Variants in ARID4B observed in about 807,000 individuals in gnomAD.
The protein encoded by ARID4B is AT-rich interactive domain-containing protein 4B.
Under a neutral mutation model 147.5 loss-of-function variants are expected in ARID4B, and 26 were observed. That is an observed-to-expected ratio of 0.18 (90% CI 0.13 to 0.24). The LOEUF (loss-of-function observed/expected upper bound fraction) is 0.24, where lower values mean the gene tolerates loss of function less well. Ranked by LOEUF, ARID4B falls within the 10% of genes least tolerant of loss-of-function variation. The probability of loss-of-function intolerance (pLI) is 1.00; values close to 1 mark genes in which losing one functional copy is unlikely to be tolerated. For missense variants in ARID4B, 1,179 were observed against 1,511.5 expected, an observed-to-expected ratio of 0.78 and a Z score of 3.65; for synonymous variants, 512 against 507.9, an observed-to-expected ratio of 1.01 and a Z score of -0.11.
intron 19 of ARID4B, among the ~76,000 whole-genome samples, chr1:235,193,655 A>C (rs572978050): frequency 2.6e-5 from 4 of 152,200 alleles, no homozygotes; most frequent in Non-Finnish European, 5.9e-5. Context: ...TCAATGGCTG[A>C]TTTTATTTCA....
intron 17 of ARID4B, among the ~76,000 whole-genome samples, chr1:235,205,201 G>A (rs941578372): frequency 4.5e-4 from 68 of 151,910 alleles, no homozygotes; most frequent in Non-Finnish European, 9.7e-4. Context: ...CTCAAGTACA[G>A]CAGGGATCAG....
chr1:235,274,670 G>A (rs180833088), intron 2 of ARID4B, among the ~76,000 whole-genome samples: 9 of 151,900 alleles, frequency 5.9e-5, no homozygotes, highest in Admixed American at 4.6e-4. Context: ...AGAGAATTTC[G>A]GAGAAGTCCA....
chr1:235,249,451 A>G (rs1048087769), intron 6 of ARID4B, among the ~76,000 whole-genome samples: 2 of 152,124 alleles, frequency 1.3e-5, no homozygotes, highest in Non-Finnish European at 2.9e-5. Flanking sequence ...AGCAGGTAAC[A>G]TACTCATTAA....
At position 235,196,050 on chromosome 1, in the gene ARID4B, T is replaced by G. The variant is rs1282343526; in HGVS notation, c.1907A>C (p.Lys636Thr). Residue 636 changes from lysine (K) to threonine (T), a missense_variant, in exon 18 of 24, where the codon AAA becomes ACA. This residue lies in a region of ARID4B where 321 missense variants were observed against 342.4 expected (regional missense o/e 0.94). Coordinates refer to ENST00000264183, the MANE Select transcript of ARID4B (RefSeq NM_016374.6). ...ACTTACCTTTATTTTCTTCCGATGT[T>G]TTATCTTTGGCACATTTTTATCAGC... ...RPADKNVPKI[K>T]HRKKIKNKLD... is the part of the protein sequence containing the mutation. 6.2e-7 allele frequency: 1 copy of G among 1,600,452 alleles called. No individual in the cohort carries two copies. The highest frequency in any genetic ancestry group is 1.3e-5 in the African/African-American group (1 of 74,302).
At chr1:235,280,009 A>C (rs1671565175) in intron 2 of ARID4B, among the ~76,000 whole-genome samples, 1 of 152,166 alleles carries the variant, frequency 6.6e-6, no homozygotes, top group Admixed American at 6.5e-5. Context: ...TCCTCTTGTA[A>C]TAAATCGCAG....
At chr1:235,199,811 G>A (rs1665763140) in intron 17 of ARID4B, among the ~76,000 whole-genome samples, 1 of 152,134 alleles carries the variant, frequency 6.6e-6, no homozygotes, top group Non-Finnish European at 1.5e-5. Context: ...AAAACCTAAT[G>A]AGACGTTAAA....
At chr1:235,307,095 A>T (rs529666705) in intron 2 of ARID4B, among the ~76,000 whole-genome samples, 2 of 152,298 alleles carry the variant, frequency 1.3e-5, no homozygotes, top group South Asian at 2.1e-4. Flanking sequence ...GAGAAAAAAA[A>T]TTATAATGGG....
intron 14 of ARID4B, among the ~76,000 whole-genome samples, chr1:235,221,311 A>G (rs928834101): frequency 6.6e-6 from 1 of 152,194 alleles, no homozygotes; most frequent in Non-Finnish European, 1.5e-5. Flanking sequence ...GATTTACTTG[A>G]CTTCAGAATA....
intron 8 of ARID4B, 69 bp downstream of exon 8, chr1:235,240,244 T>A (rs1011276825): frequency 7.3e-7 from 1 of 1,372,502 alleles, no homozygotes; most frequent in African/African-American, 1.5e-5. Flanking sequence ...AAAACATTAG[T>A]AAGAAAATTG....
At chr1:235,239,997 CT>C (rs932796164) in intron 8 of ARID4B, among the ~76,000 whole-genome samples, 4 of 152,096 alleles carry the variant, frequency 2.6e-5, no homozygotes, top group African/African-American at 9.7e-5. Flanking sequence ...AAGAAAGATT[CT>C]GTTGTTCTTT....
chr1:235,257,990 A>C (rs1670087453), intron 3 of ARID4B, among the ~76,000 whole-genome samples: 1 of 152,176 alleles, frequency 6.6e-6, no homozygotes, highest in Non-Finnish European at 1.5e-5. Context: ...TAATCTTCAC[A>C]ACAACCCTAT....
Position 235,327,924 on chromosome 1 carries a change from G to C in ARID4B, c.-205C>G, listed in dbSNP as rs1675457189. 1 of 152,558 alleles carries C rather than the reference G, an allele frequency of 6.6e-6. No homozygotes were observed. The highest frequency in any genetic ancestry group is 6.5e-5 in the Admixed American group (1 of 15,286). The allele number at this position is 152,558 out of a possible 1,614,324, so 9.5% of individuals were successfully genotyped here. A position where few individuals can be genotyped will look rare whatever the true frequency, so the allele number is the denominator to read the frequency against. On this transcript the variant is annotated 5_prime_UTR_variant, in exon 1 of 24. Coordinates refer to ENST00000264183, the MANE Select transcript of ARID4B (RefSeq NM_016374.6). ...CTCCGGCTCCTCCTCCTCCCGCGGC[G>C]GCGACTGGTACCTTTGTTTGGCGGC...
chr1:235,296,194 T>C (rs2891015), intron 2 of ARID4B: 69,517 of 159,794 alleles, frequency 0.44, 15,934 homozygotes, highest in South Asian at 0.62. Context: ...GGCCAACAAA[T>C]ACCAGATCAA....
rs10657168 is a variant in ARID4B, at chr1:235,214,837, C to CTTTTTTTTTT, written c.1584-821_1584-812dup. The stretch of plus-strand genomic sequence containing the variant: ...ACTATTCTAGAAAGAGTATTACATC[C>CTTTTTTTTTT]TTTTTTTTTTTTTTTTTTTTGATAG... On this transcript the variant is annotated intron_variant, in intron 16 of 23. Coordinates refer to ENST00000264183, the MANE Select transcript of ARID4B (RefSeq NM_016374.6). Among the ~76,000 whole-genome samples the CTTTTTTTTTT allele has an allele frequency of 1.5e-3, 150 of 102,310 alleles. 3 individuals carry two copies. The highest frequency in any genetic ancestry group is 5.3e-3 in the African/African-American group (144 of 26,994). 67.1% of individuals were successfully genotyped at this position (102,310 alleles called of 152,430 possible). A position where few individuals can be genotyped will look rare whatever the true frequency, so the allele number is the denominator to read the frequency against.
intron 2 of ARID4B, among the ~76,000 whole-genome samples, chr1:235,292,549 G>C (rs1672407298): frequency 6.6e-6 from 1 of 151,136 alleles, no homozygotes; most frequent in African/African-American, 2.4e-5. Context: ...CCGGGAGGCA[G>C]AGGCTGCAGT....
chr1:235,294,330 T>TTTTTTA (rs1672535790), intron 2 of ARID4B, among the ~76,000 whole-genome samples: 1 of 146,990 alleles, frequency 6.8e-6, no homozygotes, highest in Non-Finnish European at 1.5e-5. Flanking sequence ...TTTTTTTTTT[T>TTTTTTA]GAGACAGAGT....
At chr1:235,318,005 A>C (rs1291383057) in intron 2 of ARID4B, among the ~76,000 whole-genome samples, 1 of 152,168 alleles carries the variant, frequency 6.6e-6, no homozygotes, top group Non-Finnish European at 1.5e-5. Flanking sequence ...GTTCGCACAG[A>C]AACTTACATA....
At chr1:235,218,776 T>A (rs1227658237) in intron 16 of ARID4B, among the ~76,000 whole-genome samples, 2 of 152,100 alleles carry the variant, frequency 1.3e-5, no homozygotes, top group Admixed American at 6.6e-5. Flanking sequence ...TAATAAACAT[T>A]TTTTACTATA....
intron 11 of ARID4B, 194 bp downstream of exon 11, chr1:235,229,037 T>C: frequency 1.6e-6 from 1 of 617,268 alleles, no homozygotes; most frequent in Non-Finnish European, 2.6e-6. Flanking sequence ...CTTAATATTT[T>C]CTATTTCACA....
Sources: allele counts gnomAD v4.1 joint callset (sites outside exome capture counted in the v4.1 genomes callset), GRCh38; gene constraint gnomAD v4.1.1; regional missense constraint gnomAD v4.1.1; transcripts MANE v1.5; gene names NCBI Gene and HGNC (gene_info 2026-07-23, HGNC 2026-07-21).